The following GPM6A variants were observed in gnomAD, a reference collection of about 807,000 sequenced individuals.
GPM6A encodes neuronal membrane glycoprotein M6-a.
A neutral mutation model predicts 32.1 loss-of-function variants in GPM6A; 7 were observed. The observed-to-expected ratio is 0.22, with a 90% CI of 0.12 to 0.41. The LOEUF (loss-of-function observed/expected upper bound fraction) is 0.41. GPM6A is among the 10% of genes least tolerant of loss of function. GPM6A has a pLI of 1.00. For missense variants in GPM6A, 235 were observed against 347.2 expected (o/e 0.68, Z 2.57); for synonymous variants, 130 against 123.4 (o/e 1.05, Z -0.35).
At chr4:175,638,656 T>C (rs1158163754) in intron 6 of GPM6A, among the ~76,000 whole-genome samples, 2 of 152,172 alleles carry the variant, frequency 1.3e-5, no homozygotes, top group Non-Finnish European at 2.9e-5. Flanking sequence ...GACAGAATTT[T>C]ATATGCACAT....
intron 2 of GPM6A, among the ~76,000 whole-genome samples, chr4:175,687,001 A>G (rs80264088): frequency 6.6e-6 from 1 of 152,200 alleles, no homozygotes; most frequent in Non-Finnish European, 1.5e-5. Context: ...CTGAGTAAAA[A>G]TGAGTAGCTT....
chr4:175,873,561 T>C (rs1736983137), intron 1 of GPM6A, among the ~76,000 whole-genome samples: 1 of 152,150 alleles, frequency 6.6e-6, no homozygotes, highest in Non-Finnish European at 1.5e-5. Context: ...ATCAAAGATT[T>C]AAAAGACTGG....
At chr4:175,856,369 C>A in intron 1 of GPM6A, among the ~76,000 whole-genome samples, 1 of 152,274 alleles carries the variant, frequency 6.6e-6, no homozygotes, top group Middle Eastern at 3.4e-3. Flanking sequence ...GGAGGGGGAG[C>A]ACATAGGTGA....
At chr4:175,730,645 T>A (rs918237531) in intron 1 of GPM6A, among the ~76,000 whole-genome samples, 10 of 152,038 alleles carry the variant, frequency 6.6e-5, no homozygotes, top group South Asian at 2.1e-4. Flanking sequence ...TAATTTTTTT[T>A]ATATTTTTAG....
chr4:175,860,260 G>T (rs1034623376), intron 1 of GPM6A, among the ~76,000 whole-genome samples: 6 of 138,610 alleles, frequency 4.3e-5, no homozygotes, highest in African/African-American at 1.3e-4. Context: ...ACTGAAAGCT[G>T]AGTCTTTGAA....
intron 2 of GPM6A, among the ~76,000 whole-genome samples, chr4:175,695,378 A>G (rs1309783778): frequency 1.3e-5 from 2 of 152,200 alleles, no homozygotes; most frequent in African/African-American, 4.8e-5. Context: ...AACAGCCACA[A>G]GGACTGAACC....
chr4:175,980,508 A>G (rs1178983209), intron 1 of GPM6A, among the ~76,000 whole-genome samples: 1 of 152,194 alleles, frequency 6.6e-6, no homozygotes, highest in African/African-American at 2.4e-5. Flanking sequence ...ATTAGTTTTC[A>G]TATGTGTAAG....
chr4:175,702,653 T>C (rs1199797187), intron 1 of GPM6A, among the ~76,000 whole-genome samples: 1 of 152,200 alleles, frequency 6.6e-6, no homozygotes, highest in African/African-American at 2.4e-5. Context: ...TAGCTAGAGC[T>C]ACAGGCACAC....
chr4:176,000,324 ACTT>A (rs1425036554), intron 1 of GPM6A, among the ~76,000 whole-genome samples: 1 of 152,178 alleles, frequency 6.6e-6, no homozygotes, highest in Non-Finnish European at 1.5e-5. Context: ...AGGAAAGAGA[ACTT>A]CTAAGAGTTA....
chr4:175,640,136 A>C lies in GPM6A; in HGVS notation c.677T>G (p.Ile226Ser). 1 of 1,612,968 alleles carries C rather than the reference A, an allele frequency of 6.2e-7. No homozygotes were observed. The highest frequency in any genetic ancestry group is 8.5e-7 in the Non-Finnish European group (1 of 1,178,926). ...VALAGAGAAV[I>S]AMVHYLMVLS... is the part of the protein sequence containing the mutation. ...AGCGCTTTGAGGTCTTACCATAGCAATGACTGCTGCCCCAGCTCCAGCAAG... is the reference window on the plus strand; with the variant it reads ...AGCGCTTTGAGGTCTTACCATAGCACTGACTGCTGCCCCAGCTCCAGCAAG... Residue 226 changes from isoleucine (I) to serine (S), a missense_variant, in exon 6 of 7, where the codon ATT becomes AGT. By Grantham distance (142) the Ile-to-Ser change is moderately radical. Transcript: ENST00000393658.
intron 1 of GPM6A, among the ~76,000 whole-genome samples, chr4:175,702,635 C>T (rs1222012867): frequency 6.6e-6 from 1 of 152,110 alleles, no homozygotes; most frequent in Non-Finnish European, 1.5e-5. Flanking sequence ...CTGCCTTAGC[C>T]TCCCAAGTAG....
At position 175,838,098 on chromosome 4, in the gene GPM6A, CACACACACACACAG is replaced by C. The variant is rs1422745864; in HGVS notation, c.-22-25863_-22-25850del. 8.4e-3 allele frequency among the ~76,000 whole-genome samples: 656 copies of C among 78,328 alleles called. 2 individuals are homozygous for C. The highest frequency in any genetic ancestry group is 0.017 in the African/African-American group (306 of 17,572). 51.4% of individuals were successfully genotyped at this position (78,328 alleles called of 152,430 possible). A position where few individuals can be genotyped will look rare whatever the true frequency, so the allele number is the denominator to read the frequency against. On this transcript the variant is annotated intron_variant, in intron 1 of 7. Coordinates refer to the GPM6A transcript ENST00000280187. The stretch of plus-strand genomic sequence containing the variant: ...CAGTAGGCCTTGGTTAAAACACACA[CACACACACACACAG>C]ACACACACACACACACACACACACA...
chr4:175,718,626 T>A (rs2111109315), intron 1 of GPM6A, among the ~76,000 whole-genome samples: 1 of 151,680 alleles, frequency 6.6e-6, no homozygotes, highest in East Asian at 1.9e-4. Flanking sequence ...AAAAAAAATA[T>A]AATGAAATAT....
intron 1 of GPM6A, among the ~76,000 whole-genome samples, chr4:175,717,856 T>A (rs1025175260): frequency 1.3e-5 from 2 of 152,178 alleles, no homozygotes; most frequent in Non-Finnish European, 2.9e-5. Flanking sequence ...TGCCAAGAGT[T>A]TTCAGCATAA....
intron 1 of GPM6A, among the ~76,000 whole-genome samples, chr4:175,755,823 T>A (rs999371448): frequency 6.6e-6 from 1 of 152,190 alleles, no homozygotes; most frequent in African/African-American, 2.4e-5. Flanking sequence ...TTTCCATTCA[T>A]CAGCATTTTA....
chr4:175,816,228 G>T (rs954621083), upstream of GPM6A, among the ~76,000 whole-genome samples: 1 of 151,938 alleles, frequency 6.6e-6, no homozygotes, highest in African/African-American at 2.4e-5. Flanking sequence ...TTAACTAGGT[G>T]GTTAAAAATA....
At chr4:175,989,930 C>T (rs1741086301) in intron 1 of GPM6A, among the ~76,000 whole-genome samples, 1 of 152,100 alleles carries the variant, frequency 6.6e-6, no homozygotes, top group South Asian at 2.1e-4. Context: ...TGTGGCATAG[C>T]AAGAAGTGGT....
chr4:175,883,871 T>G (rs550184409), intron 1 of GPM6A, among the ~76,000 whole-genome samples: 1 of 152,336 alleles, frequency 6.6e-6, no homozygotes. Context: ...GAAATGTTAT[T>G]GAAAATTTTC....
chr4:175,816,450 C>A (rs551420913), upstream of GPM6A, among the ~76,000 whole-genome samples: 1 of 152,140 alleles, frequency 6.6e-6, no homozygotes, highest in African/African-American at 2.4e-5. Flanking sequence ...TAAATATCGA[C>A]ATATTCCTCT....
Sources: allele counts gnomAD v4.1 joint callset (sites outside exome capture counted in the v4.1 genomes callset), GRCh38; gene constraint gnomAD v4.1.1; transcripts MANE v1.5; gene names NCBI Gene and HGNC (gene_info 2026-07-23, HGNC 2026-07-21).